The following NEDD4 variants were observed in gnomAD, a reference collection of about 807,000 sequenced individuals.
NEDD4 encodes E3 ubiquitin-protein ligase NEDD4.
In NEDD4, 99 loss-of-function variants were observed where a neutral mutation model predicts 144.9. The ratio of observed to expected loss-of-function variants is 0.68; its 90% CI spans 0.58 to 0.81. The LOEUF is 0.81. Among genes scored for constraint, NEDD4 ranks in the 30% least tolerant of loss-of-function variants. NEDD4 has a pLI of 0.00. For missense variants in NEDD4, 985 were observed against 1,065.9 expected, an observed-to-expected ratio of 0.92 and a Z score of 1.06; for synonymous variants, 318 against 350.6, an observed-to-expected ratio of 0.91 and a Z score of 1.04.
intron 14 of NEDD4, among the ~76,000 whole-genome samples, 190 bp downstream of exon 14, chr15:55,850,352 C>G (rs1475327219): frequency 6.6e-6 from 1 of 151,964 alleles, no homozygotes. Flanking sequence ...CCATCATAAT[C>G]CAAAACAATA....
chr15:55,955,288 GGT>G (rs1332438849), intron 2 of NEDD4, among the ~76,000 whole-genome samples: 2 of 152,148 alleles, frequency 1.3e-5, no homozygotes, highest in East Asian at 3.9e-4. Context: ...CTCCCAAAGT[GGT>G]GTGATTATAG....
intron 21 of NEDD4, among the ~76,000 whole-genome samples, chr15:55,839,999 A>AAAATAT (rs1566901067): frequency 2.3e-4 from 6 of 26,132 alleles, no homozygotes; most frequent in East Asian, 8.8e-4. Context: ...AAAAAAAAAA[A>AAAATAT]ATATATATAT....
intron 24 of NEDD4, 80 bp downstream of exon 24, chr15:55,837,709 A>G: frequency 1.1e-6 from 1 of 890,526 alleles, no homozygotes; most frequent in Non-Finnish European, 1.8e-6. Flanking sequence ...TATTTTTCTC[A>G]GATGTGATGA....
At chr15:55,958,111 C>A (rs72734338) in intron 2 of NEDD4, among the ~76,000 whole-genome samples, 20,429 of 151,932 alleles carry the variant, frequency 0.13, 1,497 homozygotes, top group East Asian at 0.32. Flanking sequence ...TAGAACTTAA[C>A]GTATAATAAA....
At chr15:55,859,776 T>G (rs982692209) in intron 11 of NEDD4, among the ~76,000 whole-genome samples, 1 of 152,156 alleles carries the variant, frequency 6.6e-6, no homozygotes, top group African/African-American at 2.4e-5. Flanking sequence ...ATCCAAGAGC[T>G]GGCCTGGCAC....
At chr15:55,850,331 C>T (rs2032375885) in intron 14 of NEDD4, among the ~76,000 whole-genome samples, 1 of 152,070 alleles carries the variant, frequency 6.6e-6, no homozygotes, top group African/African-American at 2.4e-5. Context: ...AGGAAGTAAA[C>T]ATGAATATCT....
intron 2 of NEDD4, among the ~76,000 whole-genome samples, chr15:55,958,671 T>G (rs1221539877): frequency 6.6e-6 from 1 of 152,170 alleles, no homozygotes; most frequent in Non-Finnish European, 1.5e-5. Flanking sequence ...CAATTTCTTT[T>G]AACAACAAAT....
chr15:55,833,663 A>G (rs561547934), intron 26 of NEDD4, among the ~76,000 whole-genome samples: 1 of 152,288 alleles, frequency 6.6e-6, no homozygotes, highest in East Asian at 1.9e-4. Flanking sequence ...TCCATCTCAA[A>G]AAACACATTA....
intron 4 of NEDD4, among the ~76,000 whole-genome samples, chr15:55,931,040 G>T (rs548651669): frequency 6.6e-6 from 1 of 152,240 alleles, no homozygotes; most frequent in South Asian, 2.1e-4. Context: ...TAAAACACGG[G>T]CGTAAAGATA....
intron 14 of NEDD4, among the ~76,000 whole-genome samples, chr15:55,850,278 A>G (rs1334223833): frequency 6.6e-6 from 1 of 152,228 alleles, no homozygotes; most frequent in Admixed American, 6.5e-5. Context: ...ATTCCTATGT[A>G]TCTTCTTAAG....
chr15:55,884,942 G>A (rs1159348533), intron 5 of NEDD4, among the ~76,000 whole-genome samples: 1 of 152,156 alleles, frequency 6.6e-6, no homozygotes, highest in Non-Finnish European at 1.5e-5. Context: ...CAATATTCAA[G>A]TACAAGAAGG....
rs541009048 is a variant in NEDD4 at position 55,834,274 on chromosome 15, G to C, written c.2275C>G (p.Leu759Val). The change falls in exon 25 of 29, where the codon CTA (leucine) becomes GTA (valine). Residue 759 changes from leucine (L) to valine (V), a missense_variant. Transcript: ENST00000435532. ...ATTTTGATGAGATCCTGTGGTATTAGTTCAAAGAATCCCTAGAAAAAAGAT... is the reference window on the plus strand; with the variant it reads ...ATTTTGATGAGATCCTGTGGTATTACTTCAAAGAATCCCTAGAAAAAAGAT... ...MAAFKEGFFE[L>V]IPQDLIKIFD... 3 of 1,604,456 alleles carry C rather than the reference G, an allele frequency of 1.9e-6. No individual in the cohort carries two copies. The highest frequency in any genetic ancestry group is 2.6e-6 in the Non-Finnish European group (3 of 1,171,754).
At chr15:55,990,961 G>C (rs1316013570) in intron 1 of NEDD4, among the ~76,000 whole-genome samples, 1 of 152,154 alleles carries the variant, frequency 6.6e-6, no homozygotes, top group Non-Finnish European at 1.5e-5. Context: ...CTTATATGTG[G>C]AAGAAGAGCC....
intron 21 of NEDD4, among the ~76,000 whole-genome samples, chr15:55,840,041 T>TATATATATAA (rs1428035593): frequency 2.8e-5 from 2 of 70,486 alleles, no homozygotes; most frequent in Admixed American, 3.7e-4. Context: ...TATATATATA[T>TATATATATAA]AACATTCATC....
chr15:55,897,419 A>G (rs2035774176), intron 5 of NEDD4, among the ~76,000 whole-genome samples: 1 of 152,218 alleles, frequency 6.6e-6, no homozygotes, highest in African/African-American at 2.4e-5. Context: ...TAGTTCTAGC[A>G]TTACAAAACT....
At chr15:55,966,734 T>C (rs1346681168) in intron 1 of NEDD4, among the ~76,000 whole-genome samples, 188 bp from the exon 2 acceptor site, 1 of 152,184 alleles carries the variant, frequency 6.6e-6, no homozygotes, top group African/African-American at 2.4e-5. Context: ...GACCTGATTA[T>C]TTACAAAGAT....
chr15:55,886,471 A>G (rs1406301007), intron 5 of NEDD4, among the ~76,000 whole-genome samples: 1 of 152,202 alleles, frequency 6.6e-6, no homozygotes, highest in Non-Finnish European at 1.5e-5. Context: ...AAAACGTTTT[A>G]AAAAATTGAA....
intron 5 of NEDD4, chr15:55,916,893 C>CAG: frequency 6.5e-7 from 1 of 1,531,632 alleles, no homozygotes; most frequent in African/African-American, 1.4e-5. Context: ...TGTCCGTAGA[C>CAG]AGGCTAGAAG....
intron 27 of NEDD4, among the ~76,000 whole-genome samples, chr15:55,831,353 G>C (rs1336239439): frequency 1.3e-5 from 2 of 152,156 alleles, no homozygotes; most frequent in Admixed American, 6.5e-5. Flanking sequence ...AAACAACTCT[G>C]GCTCTATGTG....
Sources: gnomAD v4.1 joint callset for allele counts (sites outside exome capture counted in the v4.1 genomes callset) on GRCh38, gnomAD v4.1.1 for gene constraint, MANE v1.5 for transcripts, NCBI Gene and HGNC (gene_info 2026-07-23, HGNC 2026-07-21) for gene names.